Variants in DENND2B observed in about 807,000 individuals in gnomAD.
The protein encoded by DENND2B is DENN domain containing 2B.
In DENND2B, 32 loss-of-function variants were observed where a neutral mutation model predicts 116.0. That is an observed-to-expected ratio of 0.28 (90% CI 0.21 to 0.37). DENND2B has a LOEUF of 0.37. Ranked by LOEUF, DENND2B falls within the 10% of genes least tolerant of loss-of-function variation. DENND2B has a pLI of 1.00. For missense variants in DENND2B, 1,276 were observed against 1,477.7 expected (o/e 0.86, Z 2.24); for synonymous variants, 588 against 583.9 (o/e 1.01, Z -0.10).
chr11:8,859,941 T>C (rs1168352107), intron 2 of DENND2B, among the ~76,000 whole-genome samples: 1 of 152,070 alleles, frequency 6.6e-6, no homozygotes, highest in Non-Finnish European at 1.5e-5. Context: ...TAGCAACATG[T>C]CACACCTGCC....
At chr11:8,759,717 CAA>C (rs1248253760) in intron 1 of DENND2B, among the ~76,000 whole-genome samples, 1 of 152,198 alleles carries the variant, frequency 6.6e-6, no homozygotes, top group African/African-American at 2.4e-5. Context: ...GCCCTGGGAC[CAA>C]CCTGCCTACT....
chr11:8,766,093 TA>T (rs376940099), intron 1 of DENND2B, among the ~76,000 whole-genome samples: 78 of 148,190 alleles, frequency 5.3e-4, no homozygotes, highest in South Asian at 1.7e-3. Context: ...ATGGACACTG[TA>T]AAAAAAAAAA....
intron 11 of DENND2B, among the ~76,000 whole-genome samples, chr11:8,710,076 C>T (rs778321553): frequency 2.6e-5 from 4 of 152,184 alleles, no homozygotes; most frequent in Non-Finnish European, 5.9e-5. Context: ...TCCTTCAGGG[C>T]TCCTGCCCCC....
chr11:8,870,739 C>G (rs2063754334), intron 2 of DENND2B: 1 of 152,120 alleles, frequency 6.6e-6, no homozygotes, highest in Admixed American at 6.5e-5. Context: ...CCCGCCGGGC[C>G]GGAAAGCAGA....
At chr11:8,895,614 T>C (rs1343530611) in intron 1 of DENND2B, 1 of 152,174 alleles carries the variant, frequency 6.6e-6, no homozygotes, top group Admixed American at 6.6e-5. Flanking sequence ...AATTATTGTT[T>C]AACGAATACA....
intron 4 of DENND2B, among the ~76,000 whole-genome samples, chr11:8,723,302 G>A (rs946871234): frequency 2.0e-4 from 31 of 152,148 alleles, no homozygotes; most frequent in Middle Eastern, 3.2e-3. Flanking sequence ...ATACGTTCTT[G>A]GATCATCTGA....
intron 1 of DENND2B, among the ~76,000 whole-genome samples, chr11:8,786,115 T>C (rs2058876938): frequency 6.6e-6 from 1 of 152,282 alleles, no homozygotes; most frequent in East Asian, 1.9e-4. Context: ...CCCTGCATAT[T>C]TTAGGCTCCA....
At chr11:8,868,772 C>A (rs1434110131) in intron 2 of DENND2B, among the ~76,000 whole-genome samples, 1 of 152,188 alleles carries the variant, frequency 6.6e-6, no homozygotes, top group Non-Finnish European at 1.5e-5. Flanking sequence ...CTTTCCCCAG[C>A]AACTCTCCAC....
intron 1 of DENND2B, chr11:8,776,140 GTGCGCGCA>G (rs796963127): frequency 0.23 from 51,834 of 225,878 alleles, 3,324 homozygotes; most frequent in East Asian, 0.31. Context: ...AGACACGCAC[GTGCGCGCA>G]CGCGCGCGCG....
At chr11:8,840,505 C>T (rs1016289004) in intron 3 of DENND2B, among the ~76,000 whole-genome samples, 5 of 152,174 alleles carry the variant, frequency 3.3e-5, no homozygotes, top group East Asian at 1.9e-4. Flanking sequence ...CCAGCACCAA[C>T]GCAATGAACA....
At chr11:8,845,674 G>C (rs749143741) in intron 3 of DENND2B, among the ~76,000 whole-genome samples, 72 of 152,196 alleles carry the variant, frequency 4.7e-4, no homozygotes, top group Non-Finnish European at 1.0e-4. Context: ...ATTGAGAAAG[G>C]AAACACCTTG....
intron 4 of DENND2B, among the ~76,000 whole-genome samples, chr11:8,826,582 C>A (rs2061985121): frequency 6.6e-6 from 1 of 152,124 alleles, no homozygotes; most frequent in Admixed American, 6.5e-5. Context: ...GAGAGAAGAG[C>A]AGTGGCCATT....
At position 8,769,551 on chromosome 11, in the gene DENND2B, C is replaced by A. The variant is rs189316668; in HGVS notation, c.-25-18826G>T. ...CTGGGATTACAGGTGTGAACCACTGCGCCTGGTCATAAAGCAACTTCTAAA... is the reference window on the plus strand; with the variant it reads ...CTGGGATTACAGGTGTGAACCACTGAGCCTGGTCATAAAGCAACTTCTAAA... On this transcript the variant is annotated intron_variant, in intron 1 of 19. Transcript: ENST00000313726. Among the ~76,000 whole-genome samples, 189 of 152,200 alleles carry A rather than the reference C, an allele frequency of 1.2e-3. 2 individuals carry two copies. Among genetic ancestry groups the A allele is most frequent in the Middle Eastern group, 3.4e-3 (1 of 294 alleles).
chr11:8,768,107 AGGCTG>A (rs1222576054), intron 1 of DENND2B, among the ~76,000 whole-genome samples: 1 of 152,098 alleles, frequency 6.6e-6, no homozygotes, highest in African/African-American at 2.4e-5. Context: ...GAGAGCAACC[AGGCTG>A]GGCACTTATC....
At position 8,730,140 on chromosome 11, in the gene DENND2B, C is replaced by G; in HGVS notation, c.1150G>C (p.Val384Leu). Reference sequence around the variant, plus strand: ...CGCTTGGGTTTGGGGACAGGGTTCACAGCGGGATCGAGGGAACTCTTCGAT... The same window carrying G: ...CGCTTGGGTTTGGGGACAGGGTTCAGAGCGGGATCGAGGGAACTCTTCGAT... The part of the protein sequence containing the change: ...LPSKSSLDPA[V>L]NPVPKPKRTF... Residue 384 changes from valine (V) to leucine (L), a missense_variant, in exon 3 of 20, where the codon GTG (valine) becomes CTG (leucine). By Grantham distance (32) the Val-to-Leu change is conservative. Transcript: ENST00000313726. The surrounding 1 kb of genome is among the most constrained non-coding windows in gnomAD (Gnocchi z 4.1). The G allele has an allele frequency of 1.9e-6, 3 of 1,614,186 alleles. No individual in the cohort carries two copies. Among genetic ancestry groups the G allele is most frequent in the Non-Finnish European group, 2.5e-6 (3 of 1,180,024 alleles).
At chr11:8,745,627 C>T (rs1490297161) in intron 2 of DENND2B, among the ~76,000 whole-genome samples, 1 of 152,164 alleles carries the variant, frequency 6.6e-6, no homozygotes, top group East Asian at 1.9e-4. Flanking sequence ...TTGGGCAGCC[C>T]TTTGTTACTG....
chr11:8,901,229 CTTTTT>C (rs1555223231), intron 1 of DENND2B, among the ~76,000 whole-genome samples: 25 of 83,918 alleles, frequency 3.0e-4, no homozygotes, highest in African/African-American at 3.8e-4. Flanking sequence ...CTTTTCTTTT[CTTTTT>C]TTTTTTTTTT....
chr11:8,821,535 C>T (rs573095456), intron 4 of DENND2B, among the ~76,000 whole-genome samples: 3 of 151,524 alleles, frequency 2.0e-5, no homozygotes, highest in African/African-American at 7.3e-5. Context: ...ACAGTGATCA[C>T]GTCACTGCAC....
intron 5 of DENND2B, 33 bp from the exon 6 acceptor site, chr11:8,715,851 T>C (rs1464208047): frequency 4.5e-6 from 7 of 1,560,754 alleles, no homozygotes; most frequent in Non-Finnish European, 6.1e-6. Flanking sequence ...CGAGAGGGGC[T>C]TGCCACAGAG....
Sources: allele counts gnomAD v4.1 joint callset (sites outside exome capture counted in the v4.1 genomes callset), GRCh38; gene constraint gnomAD v4.1.1; non-coding constraint Gnocchi (gnomAD v3.1); transcripts MANE v1.5; gene names NCBI Gene and HGNC (gene_info 2026-07-23, HGNC 2026-07-21).